OTULIN: variants seen among roughly 807,000 people sequenced by gnomAD.
The protein encoded by OTULIN is OTU deubiquitinase with linear linkage specificity, also known as ubiquitin thioesterase otulin.
A neutral mutation model predicts 39.6 loss-of-function variants in OTULIN; 15 were observed. The observed-to-expected ratio is 0.38, with a 90% CI of 0.25 to 0.58. OTULIN has a LOEUF of 0.58. OTULIN is among the 20% of genes least tolerant of loss of function. The pLI, the probability that OTULIN is intolerant of heterozygous loss-of-function variation, is 0.66. For missense variants in OTULIN, 319 were observed against 445.9 expected (o/e 0.72, Z 2.56); for synonymous variants, 156 against 170.3 (o/e 0.92, Z 0.65).
rs374515340 is a variant in OTULIN at position 14,686,926 on chromosome 5, TTTATC to T, written c.469-591_469-587del. Among the ~76,000 whole-genome samples the T allele has an allele frequency of 1.2e-3, 190 of 152,362 alleles. 1 individual carries two copies. Among genetic ancestry groups the T allele is most frequent in the African/African-American group, 4.4e-3 (184 of 41,586 alleles). The stretch of plus-strand genomic sequence containing the variant: ...CTGCCTCTGATTTTCAATTGTATGT[TTTATC>T]TTAATAGATCGATTAGATAGTTAAA... On this transcript the variant is annotated intron_variant, in intron 4 of 6. Coordinates refer to ENST00000284274, the MANE Select transcript of OTULIN (RefSeq NM_138348.6).
In OTULIN at chr5:14,678,729, A is replaced by C. The variant is rs769403310; in HGVS notation, c.278A>C (p.Lys93Thr). ...GAAATGGATATCATGGACTACTGCA[A>C]AAAAGAATGGAGAGGAAATACACAG... ...APEMDIMDYC[K>T]KEWRGNTQKA... is the part of the protein sequence containing the mutation. The change falls in exon 3 of 7, where the codon AAA (lysine) becomes ACA (threonine). Residue 93 changes from lysine to threonine, a missense_variant. Transcript: ENST00000284274. 8.1e-6 allele frequency: 13 copies of C among 1,609,944 alleles called. No homozygotes were observed. Among genetic ancestry groups the C allele is most frequent in the Non-Finnish European group, 1.1e-5 (13 of 1,178,496 alleles).
chr5:14,704,746 G>A (rs1736887654), downstream of OTULIN: 2 of 152,098 alleles, frequency 1.3e-5, no homozygotes, highest in Admixed American at 1.3e-4. Context: ...ACTTTGCGGT[G>A]AGTAAACAGA....
chr5:14,711,136 A>AGAT, the OTULIN span: 1 of 1,332,330 alleles, frequency 7.5e-7, no homozygotes, highest in Non-Finnish European at 1.1e-6. Flanking sequence ...GAGAGGGAAG[A>AGAT]GATGATGCCG....
chr5:14,715,128 C>T, the OTULIN span, among the ~76,000 whole-genome samples: 1 of 151,882 alleles, frequency 6.6e-6, no homozygotes, highest in Admixed American at 6.6e-5. Flanking sequence ...TCCATGGCTC[C>T]TTTCTTTTTC....
rs185565211 is a variant in OTULIN, at chr5:14,697,490, T to C, written c.*4442T>C. On this transcript the variant is annotated 3_prime_UTR_variant, in exon 7 of 7. Transcript: ENST00000284274. ...CCGCGCCTGGCCCCATGTATTGTATTTTTTTCAGGTTATATTGAAATCTAC... is the reference window on the plus strand; with the variant it reads ...CCGCGCCTGGCCCCATGTATTGTATCTTTTTCAGGTTATATTGAAATCTAC... 1.3e-5 allele frequency: 2 copies of C among 152,304 alleles called. No homozygotes were observed. The highest frequency in any genetic ancestry group is 3.9e-4 in the East Asian group (2 of 5,188). 9.4% of individuals were successfully genotyped at this position (152,304 alleles called of 1,614,324 possible).
At chr5:14,715,835 A>G in the OTULIN span, among the ~76,000 whole-genome samples, 4 of 152,250 alleles carry the variant, frequency 2.6e-5, no homozygotes, top group African/African-American at 9.6e-5. Context: ...TCACACCACT[A>G]TATTGGCTTG....
chr5:14,711,301 T>C, the OTULIN span: 1 of 1,614,032 alleles, frequency 6.2e-7, no homozygotes, highest in Non-Finnish European at 8.5e-7. Context: ...TCATTCTCCA[T>C]CTTCTTTTTC....
chr5:14,709,718 A>C, the OTULIN span: 1 of 152,660 alleles, frequency 6.6e-6, no homozygotes, highest in African/African-American at 2.4e-5. Flanking sequence ...TTCAAATGCA[A>C]ATGACGGACT....
chr5:14,703,636 C>A (rs1235448513), downstream of OTULIN, among the ~76,000 whole-genome samples: 2 of 152,146 alleles, frequency 1.3e-5, no homozygotes, highest in African/African-American at 4.8e-5. Flanking sequence ...GAGTACCACT[C>A]CCCACAGGGA....
the OTULIN span, chr5:14,712,914 G>T: frequency 6.2e-7 from 1 of 1,613,418 alleles, no homozygotes. Flanking sequence ...GGCGACCATG[G>T]TGGATTCTCC....
intron 2 of OTULIN, among the ~76,000 whole-genome samples, chr5:14,674,760 A>G (rs1736063126): frequency 6.6e-6 from 1 of 152,178 alleles, no homozygotes; most frequent in Non-Finnish European, 1.5e-5. Context: ...CTCAAAAAAA[A>G]AATAAAAAAT....
the OTULIN span, chr5:14,713,530 C>G: frequency 6.2e-7 from 1 of 1,613,958 alleles, no homozygotes; most frequent in Non-Finnish European, 8.5e-7. This position sits in a 1 kb window ranked among gnomAD's most constrained non-coding sequence, Gnocchi z 4.4. Context: ...GCCCCAAACT[C>G]CCTGACAACA....
At chr5:14,713,645 G>C in the OTULIN span, 2 of 1,614,014 alleles carry the variant, frequency 1.2e-6, no homozygotes, top group Non-Finnish European at 1.7e-6. The surrounding 1 kb of genome is among the most constrained non-coding windows in gnomAD (Gnocchi z 4.4). Flanking sequence ...TCAGCCACCC[G>C]GTGAGATGCG....
intron 1 of OTULIN, among the ~76,000 whole-genome samples, chr5:14,669,373 GA>G (rs1208139568): frequency 6.6e-6 from 1 of 150,956 alleles, no homozygotes; most frequent in African/African-American, 2.5e-5. Context: ...CTCAAAAAAA[GA>G]AAATAGGTAA....
the OTULIN span, chr5:14,710,914 G>A: frequency 0.016 from 6,547 of 419,362 alleles, 60 homozygotes; most frequent in Non-Finnish European, 0.02. Context: ...AACGTCAACC[G>A]TGAGGCAGCT....
chr5:14,692,730 C>T (rs1736561912), intron 6 of OTULIN, 124 bp from the exon 7 acceptor site: 4 of 682,750 alleles, frequency 5.9e-6, no homozygotes, highest in Non-Finnish European at 9.5e-6. Context: ...GGGCCCAAAG[C>T]AGGAGGAAAA....
At chr5:14,688,825 A>G (rs572223928) in intron 5 of OTULIN, among the ~76,000 whole-genome samples, 1 of 152,146 alleles carries the variant, frequency 6.6e-6, no homozygotes, top group Admixed American at 6.5e-5. Context: ...CTTCAGCGCA[A>G]CCACAGGTCA....
intron 4 of OTULIN, among the ~76,000 whole-genome samples, chr5:14,682,735 TA>T (rs1393097232): frequency 2.6e-5 from 4 of 152,218 alleles, no homozygotes; most frequent in Non-Finnish European, 5.9e-5. Flanking sequence ...TTTTTATTTT[TA>T]TTTTTTTTGA....
At chr5:14,702,529 T>C (rs543961516), downstream of OTULIN, among the ~76,000 whole-genome samples, 10 of 152,232 alleles carry the variant, frequency 6.6e-5, no homozygotes, top group Middle Eastern at 3.4e-3. Context: ...TTAAATAGCA[T>C]TGGGCAGGTT....
Sources: allele counts gnomAD v4.1 joint callset (sites outside exome capture counted in the v4.1 genomes callset), GRCh38; gene constraint gnomAD v4.1.1; non-coding constraint Gnocchi (gnomAD v3.1); transcripts MANE v1.5; gene names NCBI Gene and HGNC (gene_info 2026-07-23, HGNC 2026-07-21).